INTS7: variants seen among roughly 807,000 people sequenced by gnomAD.
INTS7 encodes integrator complex subunit 7.
Under a neutral mutation model 109.2 loss-of-function variants are expected in INTS7, and 46 were observed. That is an observed-to-expected ratio of 0.42 (90% CI 0.33 to 0.54). The LOEUF (loss-of-function observed/expected upper bound fraction) is 0.54, where lower values mean the gene tolerates loss of function less well. Among genes scored for constraint, INTS7 ranks in the 20% least tolerant of loss-of-function variants. INTS7 has a pLI of 0.07. For missense variants in INTS7, 929 were observed against 1,132.4 expected, an observed-to-expected ratio of 0.82 and a Z score of 2.58; for synonymous variants, 412 against 402.9, an observed-to-expected ratio of 1.02 and a Z score of -0.27.
intron 4 of INTS7, among the ~76,000 whole-genome samples, chr1:212,013,864 T>C (rs114355058): frequency 0.011 from 1,640 of 152,322 alleles, 30 homozygotes; most frequent in African/African-American, 0.037. Context: ...TCTAGATTTG[T>C]GTAAGTCCTC....
At chr1:211,999,265 C>T (rs1250746511) in intron 7 of INTS7, among the ~76,000 whole-genome samples, 1 of 152,158 alleles carries the variant, frequency 6.6e-6, no homozygotes, top group African/African-American at 2.4e-5. Flanking sequence ...GCCCATGTAT[C>T]TGAATACTGC....
Position 212,006,675 on chromosome 1 carries a change from A to G in INTS7, c.843T>C (p.Asn281=). The G allele has an allele frequency of 6.3e-7, 1 of 1,588,198 alleles. No homozygotes were observed. Among genetic ancestry groups the G allele is most frequent in the South Asian group, 1.1e-5 (1 of 89,478 alleles). The change falls in exon 7 of 20, where the codon AAT becomes AAC. Residue 281 remains asparagine, a synonymous_variant. Transcript: ENST00000366994. The part of the protein sequence containing the change: ...LAIQDLKLLA[N]KTPHTWSREN... ...CCCTACTCCAAGTATGTGGTGTTTTATTAGCAAGTAATTTCAGATCTTGAA... is the reference window on the plus strand; with the variant it reads ...CCCTACTCCAAGTATGTGGTGTTTTGTTAGCAAGTAATTTCAGATCTTGAA...
rs1662644240 is a variant in INTS7, at chr1:211,941,830, C to A, written c.2883G>T (p.Arg961=). 3 of 1,613,598 alleles carry A rather than the reference C, an allele frequency of 1.9e-6. No individual in the cohort carries two copies. The highest frequency in any genetic ancestry group is 1.6e-4 in the Middle Eastern group (1 of 6,080). The change falls in exon 20 of 20, where the codon CGG becomes CGT. Residue 961 remains arginine, a synonymous_variant. Coordinates refer to ENST00000366994, the MANE Select transcript of INTS7 (RefSeq NM_015434.4). ...CAGTGCATTCATTCCATGGTTAAAA[C>A]CGTGTGTAGGCATTGCGTTGCTGCT... ...QQQQQRNAYT[R]F is the part of the protein sequence containing the mutation.
chr1:212,026,508 C>T (rs1282469830), intron 1 of INTS7, among the ~76,000 whole-genome samples: 1 of 152,184 alleles, frequency 6.6e-6, no homozygotes, highest in Admixed American at 6.5e-5. Flanking sequence ...TCTAGAAATC[C>T]TTTTCCTATC....
intron 10 of INTS7, among the ~76,000 whole-genome samples, chr1:211,979,943 A>G (rs1664582463): frequency 6.6e-6 from 1 of 152,188 alleles, no homozygotes; most frequent in South Asian, 2.1e-4. Context: ...TCCGCTTGGT[A>G]TTATAGTCCC....
intron 10 of INTS7, among the ~76,000 whole-genome samples, chr1:211,979,402 T>C (rs1225548456): frequency 6.6e-6 from 1 of 152,168 alleles, no homozygotes. Context: ...TTGAACAAGG[T>C]ACTTCTCTCT....
intron 17 of INTS7, among the ~76,000 whole-genome samples, chr1:211,949,296 A>T (rs960317161): frequency 6.6e-6 from 1 of 152,190 alleles, no homozygotes; most frequent in African/African-American, 2.4e-5. Flanking sequence ...CCTTATATGC[A>T]TCCCAGCCCA....
At chr1:211,954,367 GTTTGT>G (rs1663260098) in intron 16 of INTS7, among the ~76,000 whole-genome samples, 1 of 152,188 alleles carries the variant, frequency 6.6e-6, no homozygotes, top group Admixed American at 6.5e-5. Flanking sequence ...TCTGATGGTA[GTTTGT>G]TTTGCTGTGC....
chr1:212,024,082 C>CAGTACCATG (rs2102495645), intron 1 of INTS7, among the ~76,000 whole-genome samples: 1 of 152,252 alleles, frequency 6.6e-6, no homozygotes, highest in South Asian at 2.1e-4. Flanking sequence ...GTGTGTGTAC[C>CAGTACCATG]AGTACCATGC....
chr1:212,020,101 T>A, intron 3 of INTS7, 21 bp downstream of exon 3: 3 of 1,460,514 alleles, frequency 2.1e-6, no homozygotes, highest in Non-Finnish European at 2.7e-6. Context: ...TCATAGTGAA[T>A]TATTATAATA....
intron 7 of INTS7, among the ~76,000 whole-genome samples, chr1:211,992,947 T>C (rs1481251172): frequency 1.3e-5 from 2 of 152,208 alleles, no homozygotes; most frequent in Admixed American, 6.5e-5. Context: ...TGGTCTACAT[T>C]TCCTTCTCTA....
intron 10 of INTS7, among the ~76,000 whole-genome samples, chr1:211,980,777 T>C (rs908506114): frequency 1.4e-4 from 22 of 152,204 alleles, no homozygotes; most frequent in Admixed American, 1.0e-3. Context: ...ATCTCTAAGA[T>C]GATTTCTGTA....
At chr1:211,982,345 G>C (rs561763262) in intron 9 of INTS7, among the ~76,000 whole-genome samples, 1 of 152,110 alleles carries the variant, frequency 6.6e-6, no homozygotes, top group East Asian at 1.9e-4. Context: ...TTTTGTATAA[G>C]TGAACATACC....
chr1:212,016,135 TTTG>T (rs1666431452), intron 4 of INTS7, among the ~76,000 whole-genome samples: 1 of 152,226 alleles, frequency 6.6e-6, no homozygotes, highest in African/African-American at 2.4e-5. Flanking sequence ...TCTCATTTCT[TTTG>T]TTGTTACAAG....
At position 211,944,904 on chromosome 1, in the gene INTS7, C is replaced by T; in HGVS notation, c.2481G>A (p.Leu827=). The change falls in exon 19 of 20, where the codon CTG becomes CTA. Residue 827 remains leucine, a synonymous_variant. Coordinates refer to ENST00000366994, the MANE Select transcript of INTS7 (RefSeq NM_015434.4). ...GAACCACTCCCTCTACCTTTAGCGC[C>T]AGCTGCTGGTTATTCTGGACAGCAA... ...EPIAVQNNQQ[L]ALKVEGVVQH... 1 of 1,614,220 alleles carries T rather than the reference C, an allele frequency of 6.2e-7. No homozygotes were observed. Among genetic ancestry groups the T allele is most frequent in the Non-Finnish European group, 8.5e-7 (1 of 1,180,020 alleles).
chr1:211,975,133 C>T (rs767476174), intron 13 of INTS7, 33 bp downstream of exon 13: 1 of 1,455,762 alleles, frequency 6.9e-7, no homozygotes, highest in Non-Finnish European at 9.6e-7. Flanking sequence ...TCACATAAAT[C>T]ATCACCACCA....
chr1:211,963,272 T>C (rs1052847448), intron 16 of INTS7, among the ~76,000 whole-genome samples: 1 of 151,888 alleles, frequency 6.6e-6, no homozygotes, highest in Non-Finnish European at 1.5e-5. Context: ...ATACACTCTC[T>C]CCCAAGACTG....
chr1:211,982,830 T>C lies in INTS7; in HGVS notation c.998-20A>G. 1 of 1,584,536 alleles carries C rather than the reference T, an allele frequency of 6.3e-7. No homozygotes were observed. Among genetic ancestry groups the C allele is most frequent in the East Asian group, 2.3e-5 (1 of 44,246 alleles). On this transcript the variant is annotated intron_variant, in intron 8 of 19. Transcript: ENST00000366994. ...CATTTCCTAAAAAAGCAGAGAAAAG[T>C]AGTAGAAATTGTAATTCAAATAGTT...
intron 12 of INTS7, 65 bp downstream of exon 12, chr1:211,976,517 T>C (rs1044940674): frequency 1.4e-6 from 2 of 1,397,676 alleles, no homozygotes; most frequent in Non-Finnish European, 2.0e-6. Flanking sequence ...CTAATAATCA[T>C]ACAATTGAAG....
Sources: allele counts gnomAD v4.1 joint callset (sites outside exome capture counted in the v4.1 genomes callset), GRCh38; gene constraint gnomAD v4.1.1; transcripts MANE v1.5; gene names NCBI Gene and HGNC (gene_info 2026-07-23, HGNC 2026-07-21).